ABCB1: variants seen among roughly 807,000 people sequenced by gnomAD.
ABCB1 encodes the protein ATP binding cassette subfamily B member 1.
ABCB1 carries 69 observed loss-of-function variants against 142.0 expected under a neutral mutation model. The observed-to-expected ratio is 0.49, with a 90% CI of 0.40 to 0.59. The LOEUF (loss-of-function observed/expected upper bound fraction) is 0.59. Among genes scored for constraint, ABCB1 ranks in the 20% least tolerant of loss-of-function variants. ABCB1 has a pLI of 0.00. For missense variants in ABCB1, 1,326 were observed against 1,554.7 expected (o/e 0.85, Z 2.47); for synonymous variants, 532 against 539.2 (o/e 0.99, Z 0.18).
chr7:87,560,026 T>G (rs1163286082), intron 8 of ABCB1, among the ~76,000 whole-genome samples: 5 of 152,164 alleles, frequency 3.3e-5, no homozygotes, highest in Non-Finnish European at 7.3e-5. Context: ...ATCCTCATGA[T>G]TCTCTTATTT....
intron 1 of ABCB1, among the ~76,000 whole-genome samples, chr7:87,642,032 G>A (rs913947812): frequency 1.3e-5 from 2 of 151,788 alleles, no homozygotes; most frequent in Non-Finnish European, 2.9e-5. Flanking sequence ...ATACGTGGAC[G>A]ATATGCTTTT....
At chr7:87,666,929 C>G (rs1825314063) in intron 1 of ABCB1, among the ~76,000 whole-genome samples, 1 of 152,072 alleles carries the variant, frequency 6.6e-6, no homozygotes, top group Non-Finnish European at 1.5e-5. Context: ...TGTGATGCCT[C>G]TACCTTTGCT....
intron 1 of ABCB1, among the ~76,000 whole-genome samples, chr7:87,674,284 A>G (rs968727984): frequency 4.6e-5 from 7 of 152,088 alleles, no homozygotes; most frequent in African/African-American, 1.7e-4. Context: ...GCAGGTACTT[A>G]TGCAGTTGTG....
At chr7:87,675,167 C>T (rs1826201670) in intron 1 of ABCB1, among the ~76,000 whole-genome samples, 1 of 152,216 alleles carries the variant, frequency 6.6e-6, no homozygotes, top group Non-Finnish European at 1.5e-5. Flanking sequence ...TGTGCTTAGC[C>T]TCCCCATGCT....
chr7:87,551,415 G>A (rs754557300), intron 9 of ABCB1, among the ~76,000 whole-genome samples: 2 of 152,202 alleles, frequency 1.3e-5, no homozygotes, highest in African/African-American at 2.4e-5. Flanking sequence ...GTGTGTATGT[G>A]TGTGTATACA....
intron 1 of ABCB1, among the ~76,000 whole-genome samples, chr7:87,676,995 T>A (rs1450729509): frequency 1.3e-5 from 2 of 151,954 alleles, no homozygotes; most frequent in Non-Finnish European, 2.9e-5. Context: ...GGCAAGGATG[T>A]GGAGAAAAGG....
intron 4 of ABCB1, among the ~76,000 whole-genome samples, chr7:87,580,494 C>G (rs373109191): frequency 6.6e-6 from 1 of 152,032 alleles, no homozygotes; most frequent in South Asian, 2.1e-4. Context: ...TTATCCTTGA[C>G]TTTTGGGAAT....
chr7:87,662,802 T>C lies in ABCB1; in HGVS notation c.-331+50359A>G, dbSNP rs193277329. ...ATTTCTGTGAAAAATGTCATTGGTA[T>C]TTTGATAGGGATTGCATTGAATATG... On this transcript the variant is annotated intron_variant, in intron 1 of 28. Coordinates refer to the ABCB1 transcript ENST00000265724. Among the ~76,000 whole-genome samples the C allele has an allele frequency of 4.0e-3, 615 of 152,252 alleles. 1 individual carries two copies. The highest frequency in any genetic ancestry group is 6.4e-3 in the Non-Finnish European group (432 of 68,002).
Position 87,540,432 on chromosome 7 carries a change from G to GTATT in ABCB1, c.2319+921_2319+924dup, listed in dbSNP as rs569902456. The stretch of plus-strand genomic sequence containing the variant: ...CAATACTGTCTTGCCATACCAAACA[G>GTATT]TATTTATTTATTTATTTATTTATTT... On this transcript the variant is annotated intron_variant, in intron 18 of 27. Coordinates refer to ENST00000622132, the MANE Select transcript of ABCB1 (RefSeq NM_001348946.2). Among the ~76,000 whole-genome samples, 457 of 152,082 alleles carry GTATT rather than the reference G, an allele frequency of 3.0e-3. 4 individuals are homozygous for GTATT. The highest frequency in any genetic ancestry group is 3.0e-3 in the Non-Finnish European group (204 of 67,990).
intron 1 of ABCB1, among the ~76,000 whole-genome samples, chr7:87,675,554 A>G (rs575955624): frequency 3.3e-5 from 5 of 150,578 alleles, no homozygotes; most frequent in South Asian, 2.1e-4. Context: ...ATGTATGCAT[A>G]TTATGGTCAA....
intron 5 of ABCB1, among the ~76,000 whole-genome samples, chr7:87,568,203 G>C (rs1817863686): frequency 7.2e-6 from 1 of 138,298 alleles, no homozygotes; most frequent in African/African-American, 2.6e-5. Flanking sequence ...AGACCAGCCT[G>C]ACCAAAGTGG....
chr7:87,631,557 A>AT (rs1418734622), intron 1 of ABCB1, among the ~76,000 whole-genome samples: 4 of 152,140 alleles, frequency 2.6e-5, no homozygotes, highest in South Asian at 2.1e-4. Context: ...CGCCCGGCTA[A>AT]TTTTTTGTGT....
intron 1 of ABCB1, among the ~76,000 whole-genome samples, chr7:87,608,222 G>A (rs1819726803): frequency 1.3e-5 from 2 of 152,176 alleles, no homozygotes; most frequent in African/African-American, 4.8e-5. Context: ...TTTGACATTG[G>A]AAAATTTATT....
At chr7:87,664,156 A>G (rs1824996200) in intron 1 of ABCB1, among the ~76,000 whole-genome samples, 1 of 152,022 alleles carries the variant, frequency 6.6e-6, no homozygotes, top group Non-Finnish European at 1.5e-5. Flanking sequence ...TTAAAATAAT[A>G]TTAAATTAAA....
chr7:87,536,090 T>C lies in ABCB1; in HGVS notation c.2481+368A>G, dbSNP rs566583634. On this transcript the variant is annotated intron_variant, in intron 20 of 27. Coordinates refer to ENST00000622132, the MANE Select transcript of ABCB1 (RefSeq NM_001348946.2). The stretch of plus-strand genomic sequence containing the variant: ...TTAGAGGATTGTCTTCCCTCCCTTC[T>C]GTAACCATAGTGACTCTAAACTTTC... 3.9e-4 allele frequency among the ~76,000 whole-genome samples: 60 copies of C among 152,338 alleles called. 2 individuals carry two copies. In the South Asian group the frequency reaches 0.012, roughly 30 times the overall value.
chr7:87,557,842 TA>T (rs1456255291), intron 8 of ABCB1, among the ~76,000 whole-genome samples: 1 of 152,212 alleles, frequency 6.6e-6, no homozygotes, highest in Non-Finnish European at 1.5e-5. Flanking sequence ...ATAATGTCCT[TA>T]AAAATATTGT....
At chr7:87,670,703 G>A (rs2130515796) in intron 1 of ABCB1, among the ~76,000 whole-genome samples, 1 of 152,320 alleles carries the variant, frequency 6.6e-6, no homozygotes, top group Admixed American at 6.5e-5. Context: ...TTTATTTGAA[G>A]CTGACTTCTT....
At chr7:87,587,731 CG>C (rs2129937747) in intron 3 of ABCB1, among the ~76,000 whole-genome samples, 1 of 151,908 alleles carries the variant, frequency 6.6e-6, no homozygotes, top group South Asian at 2.1e-4. Flanking sequence ...AGAAATTAGC[CG>C]GATGTGGTGG....
chr7:87,570,353 A>G, intron 4 of ABCB1, 130 bp from the exon 5 acceptor site: 1 of 891,660 alleles, frequency 1.1e-6, no homozygotes, highest in East Asian at 2.5e-5. Context: ...ACTCAGTTTT[A>G]ATTGTGTGTA....
Sources: allele counts gnomAD v4.1 joint callset (sites outside exome capture counted in the v4.1 genomes callset), GRCh38; gene constraint gnomAD v4.1.1; transcripts MANE v1.5; gene names NCBI Gene and HGNC (gene_info 2026-07-23, HGNC 2026-07-21).